RYR3: variants seen among roughly 807,000 people sequenced by gnomAD.
The protein encoded by RYR3 is brain ryanodine receptor-calcium release channel.
In RYR3, 207 loss-of-function variants were observed where a neutral mutation model predicts 584.3. The ratio of observed to expected loss-of-function variants is 0.35; its 90% CI spans 0.32 to 0.40. The LOEUF (loss-of-function observed/expected upper bound fraction) is 0.40. Ranked by LOEUF, RYR3 falls within the 10% of genes least tolerant of loss-of-function variation. The pLI is 1.00. For missense variants in RYR3, 5,616 were observed against 6,089.2 expected, an observed-to-expected ratio of 0.92 and a Z score of 2.59; for synonymous variants, 2,416 against 2,248.5, an observed-to-expected ratio of 1.07 and a Z score of -2.11.
At chr15:33,688,396 A>G (rs2065166739) in intron 38 of RYR3, among the ~76,000 whole-genome samples, 1 of 151,716 alleles carries the variant, frequency 6.6e-6, no homozygotes, top group Non-Finnish European at 1.5e-5. Context: ...ACATGGTGAA[A>G]CCCCGTCTCT....
chr15:33,714,524 A>G (rs1466387204), intron 43 of RYR3, among the ~76,000 whole-genome samples: 2 of 152,198 alleles, frequency 1.3e-5, no homozygotes. Flanking sequence ...TAGCCAGGCT[A>G]AGCACAGATG....
In RYR3 at chr15:33,630,041, A is replaced by G. The variant is rs1341038973; in HGVS notation, c.2781A>G (p.Leu927=). 1 of 1,560,154 alleles carries G rather than the reference A, an allele frequency of 6.4e-7. No individual in the cohort carries two copies. ...NYNLQMSTET[L]KTLLALGCHI... ...ACCTGCAAATGTCAACTGAAACCTTAAAGTGAGTATTTAATTGAGCTGAAG... is the reference window on the plus strand; with the variant it reads ...ACCTGCAAATGTCAACTGAAACCTTGAAGTGAGTATTTAATTGAGCTGAAG... Residue 927 remains leucine (L), a splice_region_variant and synonymous_variant, in exon 22 of 104, where the codon TTA becomes TTG. Coordinates refer to ENST00000634891, the MANE Select transcript of RYR3 (RefSeq NM_001036.6).
At chr15:33,356,377 A>T (rs1209744037) in intron 1 of RYR3, among the ~76,000 whole-genome samples, 1 of 152,136 alleles carries the variant, frequency 6.6e-6, no homozygotes, top group Non-Finnish European at 1.5e-5. Context: ...TTTTGTTTCC[A>T]TCATAAACAA....
At chr15:33,729,061 C>T in intron 47 of RYR3, 35 bp downstream of exon 47, 3 of 1,582,494 alleles carry the variant, frequency 1.9e-6, no homozygotes, top group Non-Finnish European at 2.6e-6. Flanking sequence ...TTATTGTTCC[C>T]ATCATTGTGA....
At chr15:33,722,932 T>C in intron 44 of RYR3, 37 bp downstream of exon 44, 1 of 1,506,812 alleles carries the variant, frequency 6.6e-7, no homozygotes, top group South Asian at 1.3e-5. Flanking sequence ...ACAGATACGG[T>C]TGGTGAGCTC....
chr15:33,760,291 C>T (rs1404418067), intron 60 of RYR3, among the ~76,000 whole-genome samples: 2 of 152,128 alleles, frequency 1.3e-5, no homozygotes, highest in Non-Finnish European at 2.9e-5. Flanking sequence ...CAATGGTAAC[C>T]TTAAATGCAA....
At chr15:33,364,633 T>C (rs1975230532) in intron 1 of RYR3, among the ~76,000 whole-genome samples, 1 of 152,214 alleles carries the variant, frequency 6.6e-6, no homozygotes, top group African/African-American at 2.4e-5. Context: ...TTGTCAGGCC[T>C]TGCTGAAAAA....
chr15:33,555,165 A>T (rs905251324), intron 10 of RYR3, among the ~76,000 whole-genome samples: 1 of 152,178 alleles, frequency 6.6e-6, no homozygotes, highest in South Asian at 2.1e-4. Context: ...GCCAAATGTG[A>T]CTTCCCTGCC....
intron 41 of RYR3, 38 bp downstream of exon 41, chr15:33,699,871 G>T (rs551644901): frequency 1.3e-6 from 2 of 1,598,378 alleles, no homozygotes; most frequent in South Asian, 2.2e-5. Flanking sequence ...ATCCAAACTC[G>T]AAGGTTACAC....
intron 16 of RYR3, among the ~76,000 whole-genome samples, chr15:33,590,493 G>A (rs977285614): frequency 3.3e-5 from 5 of 152,176 alleles, no homozygotes; most frequent in Non-Finnish European, 2.9e-5. Context: ...TCTTTGGGCA[G>A]TATGGTCATT....
chr15:33,381,443 C>A (rs975941709), intron 1 of RYR3, among the ~76,000 whole-genome samples: 7 of 152,140 alleles, frequency 4.6e-5, no homozygotes, highest in African/African-American at 1.7e-4. Context: ...AATTCATGAA[C>A]CTTGAGCATC....
In RYR3 at chr15:33,855,362, C is replaced by A. The variant is rs60633462; in HGVS notation, c.14007+450C>A. 4.9e-3 allele frequency among the ~76,000 whole-genome samples: 744 copies of A among 152,292 alleles called. 6 individuals carry two copies. The highest frequency in any genetic ancestry group is 0.016 in the African/African-American group (677 of 41,548). On this transcript the variant is annotated intron_variant, in intron 98 of 103. Coordinates refer to ENST00000634891, the MANE Select transcript of RYR3 (RefSeq NM_001036.6). ...GGGATTACAGGCACATGCCACCATG[C>A]CCGGCTAATTTTTGTATTTTTAGTA...
At chr15:33,495,808 A>G (rs2051366999) in intron 2 of RYR3, among the ~76,000 whole-genome samples, 1 of 152,230 alleles carries the variant, frequency 6.6e-6, no homozygotes, top group East Asian at 1.9e-4. Flanking sequence ...TAACTGCACA[A>G]ATACATAAAT....
At chr15:33,392,959 A>G (rs916797364) in intron 1 of RYR3, among the ~76,000 whole-genome samples, 4 of 152,258 alleles carry the variant, frequency 2.6e-5, no homozygotes, top group African/African-American at 9.6e-5. Context: ...ACAAGAAGCT[A>G]GCACACTACA....
chr15:33,736,472 C>A, intron 49 of RYR3, 147 bp downstream of exon 49: 2 of 550,250 alleles, frequency 3.6e-6, no homozygotes, highest in South Asian at 2.7e-5. Flanking sequence ...AAGATAGATC[C>A]CACAAAACCA....
chr15:33,639,240 G>A (rs1412376789), intron 27 of RYR3, among the ~76,000 whole-genome samples: 4 of 152,140 alleles, frequency 2.6e-5, no homozygotes, highest in African/African-American at 7.2e-5. Context: ...AGTATTATTA[G>A]GATGCTGTTT....
chr15:33,777,174 C>T (rs2074050375), intron 64 of RYR3, among the ~76,000 whole-genome samples: 2 of 152,224 alleles, frequency 1.3e-5, no homozygotes, highest in Admixed American at 1.3e-4. Context: ...GGCTACGAAA[C>T]AAGAACTTGT....
At chr15:33,546,331 T>A (rs2056233398) in intron 8 of RYR3, among the ~76,000 whole-genome samples, 1 of 152,158 alleles carries the variant, frequency 6.6e-6, no homozygotes, top group Non-Finnish European at 1.5e-5. Context: ...AATGAGAATC[T>A]TAGCAAATTT....
At chr15:33,348,708 A>G (rs1190964721) in intron 1 of RYR3, among the ~76,000 whole-genome samples, 1 of 151,942 alleles carries the variant, frequency 6.6e-6, no homozygotes, top group East Asian at 1.9e-4. Flanking sequence ...ACTCCTGACC[A>G]CAAGTGATCT....
Sources: allele counts gnomAD v4.1 joint callset (sites outside exome capture counted in the v4.1 genomes callset), GRCh38; gene constraint gnomAD v4.1.1; transcripts MANE v1.5; gene names NCBI Gene and HGNC (gene_info 2026-07-23, HGNC 2026-07-21).